PPFIA2: variants seen among roughly 807,000 people sequenced by gnomAD.
PPFIA2 encodes the protein PPFI scaffold protein A2, also known as liprin-alpha-2.
A neutral mutation model predicts 175.5 loss-of-function variants in PPFIA2; 46 were observed. The ratio of observed to expected loss-of-function variants is 0.26; its 90% CI spans 0.21 to 0.34. PPFIA2 has a LOEUF of 0.34. PPFIA2 is among the 10% of genes least tolerant of loss of function. The pLI, the probability that PPFIA2 is intolerant of heterozygous loss-of-function variation, is 1.00. For synonymous variants in PPFIA2, 568 were observed against 511.4 expected (o/e 1.11, Z -1.49); for missense variants, 1,179 against 1,506.1 (o/e 0.78, Z 3.60).
intron 4 of PPFIA2, among the ~76,000 whole-genome samples, chr12:81,594,043 CA>C: frequency 6.6e-6 from 1 of 152,102 alleles, no homozygotes. Flanking sequence ...ATTAGATGCT[CA>C]TAGGAGTGTG....
intron 4 of PPFIA2, among the ~76,000 whole-genome samples, chr12:81,616,961 C>G (rs1329389946): frequency 6.6e-6 from 1 of 152,146 alleles, no homozygotes; most frequent in Non-Finnish European, 1.5e-5. Context: ...CCCAGTATAA[C>G]AGTTTAAAGC....
chr12:81,354,325 G>C (rs1247680051), intron 16 of PPFIA2, among the ~76,000 whole-genome samples: 1 of 152,122 alleles, frequency 6.6e-6, no homozygotes, highest in Non-Finnish European at 1.5e-5. Context: ...CCCTGAAACT[G>C]TCTTATCAAC....
intron 26 of PPFIA2, among the ~76,000 whole-genome samples, chr12:81,281,845 T>C (rs1006238804): frequency 7.2e-5 from 11 of 152,102 alleles, no homozygotes; most frequent in African/African-American, 1.2e-4. Context: ...TCAATGCCAC[T>C]ACTACCATTG....
chr12:81,445,521 T>C (rs775644800), intron 6 of PPFIA2, 35 bp downstream of exon 6: 1 of 1,590,294 alleles, frequency 6.3e-7, no homozygotes, highest in South Asian at 1.1e-5. Context: ...ATGACAGAAG[T>C]GTAGTTAAGC....
chr12:81,405,942 G>A, intron 7 of PPFIA2, 39 bp from the exon 8 acceptor site: 1 of 1,170,264 alleles, frequency 8.5e-7, no homozygotes, highest in East Asian at 2.6e-5. Flanking sequence ...AGTCTAAATA[G>A]GGAATAAAAT....
chr12:81,511,505 T>C (rs2061794795), intron 4 of PPFIA2, among the ~76,000 whole-genome samples: 1 of 152,072 alleles, frequency 6.6e-6, no homozygotes, highest in South Asian at 2.1e-4. Context: ...TAATAGTACA[T>C]TTTTAAAAAG....
At chr12:81,675,221 C>CAT (rs34014251) in intron 4 of PPFIA2, among the ~76,000 whole-genome samples, 14 of 55,408 alleles carry the variant, frequency 2.5e-4, no homozygotes, top group African/African-American at 5.7e-4. Context: ...CACACACACA[C>CAT]ATATATATAT....
At chr12:81,591,762 T>A (rs2058703104) in intron 4 of PPFIA2, among the ~76,000 whole-genome samples, 1 of 152,160 alleles carries the variant, frequency 6.6e-6, no homozygotes, top group South Asian at 2.1e-4. Flanking sequence ...TGCCTAGATT[T>A]CACAGGATGT....
intron 4 of PPFIA2, among the ~76,000 whole-genome samples, chr12:81,473,181 G>A (rs371688983): frequency 5.3e-5 from 8 of 152,158 alleles, no homozygotes; most frequent in Non-Finnish European, 1.0e-4. Flanking sequence ...GCTGAGGTGC[G>A]TGGATCACCT....
Position 81,539,928 on chromosome 12 carries a change from T to C in PPFIA2, c.304-82062A>G, listed in dbSNP as rs1414129229. ...ATTTGATTTCACTAAGTTCAATTTC[T>C]TTCCATTAAATCTGATTAAAGAAAC... is the stretch of plus-strand genomic sequence containing the variant. On this transcript the variant is annotated intron_variant, in intron 4 of 32. Transcript: ENST00000549396. Among the ~76,000 whole-genome samples the C allele has an allele frequency of 5.3e-5, 8 of 152,212 alleles. No homozygotes were observed. In the East Asian group the frequency reaches 1.5e-3, roughly 29 times the overall value.
intron 5 of PPFIA2, among the ~76,000 whole-genome samples, chr12:81,453,139 T>TC (rs1287580023): frequency 2.5e-5 from 2 of 79,206 alleles, no homozygotes; most frequent in Admixed American, 3.4e-4. Flanking sequence ...GTGCTATCCC[T>TC]CCCCCCTCCC....
intron 22 of PPFIA2, among the ~76,000 whole-genome samples, chr12:81,319,243 T>C (rs1045255540): frequency 6.6e-6 from 1 of 151,766 alleles, no homozygotes; most frequent in African/African-American, 2.4e-5. Context: ...ATAGATCAAA[T>C]ATATCTAAAT....
intron 3 of PPFIA2, among the ~76,000 whole-genome samples, chr12:81,707,621 T>C (rs2153610690): frequency 6.7e-6 from 1 of 149,324 alleles, no homozygotes; most frequent in East Asian, 2.0e-4. Flanking sequence ...TGGCGATTCC[T>C]CAGGGATCTA....
intron 14 of PPFIA2, 140 bp downstream of exon 14, chr12:81,366,968 A>G (rs2033665502): frequency 9.9e-7 from 1 of 1,010,690 alleles, no homozygotes. Flanking sequence ...TTTTCTGCAC[A>G]TATTCTAAAA....
chr12:81,543,408 A>T (rs2066504391), intron 4 of PPFIA2, among the ~76,000 whole-genome samples: 1 of 152,178 alleles, frequency 6.6e-6, no homozygotes, highest in East Asian at 1.9e-4. Context: ...ATTTTGAGCA[A>T]CAAAAAAGGC....
chr12:81,743,527 A>ATT (rs1184631833), intron 3 of PPFIA2, among the ~76,000 whole-genome samples: 1 of 151,038 alleles, frequency 6.6e-6, no homozygotes, highest in Non-Finnish European at 1.5e-5. Flanking sequence ...TTTTTTAAAA[A>ATT]AAAAAGAGAA....
chr12:81,430,839 G>A (rs1387575155), intron 7 of PPFIA2: 3 of 152,116 alleles, frequency 2.0e-5, no homozygotes, highest in African/African-American at 7.2e-5. Context: ...CCCCCAAAAT[G>A]TGTGTTGCTG....
At chr12:81,709,085 C>T (rs2077559702) in intron 3 of PPFIA2, among the ~76,000 whole-genome samples, 1 of 152,084 alleles carries the variant, frequency 6.6e-6, no homozygotes, top group South Asian at 2.1e-4. Context: ...GCCAATGTTT[C>T]AAACCTTCTC....
intron 4 of PPFIA2, among the ~76,000 whole-genome samples, chr12:81,656,762 AAAATATT>A (rs1184737029): frequency 6.6e-6 from 1 of 151,642 alleles, no homozygotes; most frequent in African/African-American, 2.4e-5. Flanking sequence ...CTCTTTTGGT[AAAATATT>A]AAATATTAAA....
Sources: allele counts gnomAD v4.1 joint callset (sites outside exome capture counted in the v4.1 genomes callset), GRCh38; gene constraint gnomAD v4.1.1; transcripts MANE v1.5; gene names NCBI Gene and HGNC (gene_info 2026-07-23, HGNC 2026-07-21).